PTGFRN: variants seen among roughly 807,000 people sequenced by gnomAD.
The protein encoded by PTGFRN is prostaglandin F2 receptor inhibitor, also known as prostaglandin F2 receptor negative regulator.
A neutral mutation model predicts 83.2 loss-of-function variants in PTGFRN; 35 were observed. The observed-to-expected ratio is 0.42, with a 90% CI of 0.32 to 0.56. The LOEUF is 0.56. Among genes scored for constraint, PTGFRN ranks in the 20% least tolerant of loss-of-function variants. The pLI is 0.11. For missense variants in PTGFRN, 1,051 were observed against 1,179.5 expected, an observed-to-expected ratio of 0.89 and a Z score of 1.60; for synonymous variants, 519 against 498.6, an observed-to-expected ratio of 1.04 and a Z score of -0.55.
intron 1 of PTGFRN, among the ~76,000 whole-genome samples, chr1:116,936,106 G>C (rs1649916383): frequency 6.6e-6 from 1 of 152,040 alleles, no homozygotes; most frequent in Admixed American, 6.5e-5. Context: ...TTTTCCCTCA[G>C]TTATCAACTG....
At chr1:116,955,182 G>A (rs1650452362) in intron 4 of PTGFRN, among the ~76,000 whole-genome samples, 1 of 152,154 alleles carries the variant, frequency 6.6e-6, no homozygotes, top group Non-Finnish European at 1.5e-5. Flanking sequence ...CTCTTTTGGA[G>A]TCTGTGCATA....
intron 7 of PTGFRN, among the ~76,000 whole-genome samples, chr1:116,975,987 C>T (rs756726344): frequency 3.9e-5 from 6 of 152,068 alleles, no homozygotes; most frequent in Non-Finnish European, 7.4e-5. Context: ...AAAGATTAGA[C>T]GAATGGCTAA....
rs923587361 is a variant in PTGFRN at position 116,941,544 on chromosome 1, C to T, written c.50-171C>T. Among the ~76,000 whole-genome samples the T allele has an allele frequency of 6.6e-6, 1 of 152,124 alleles. No individual in the cohort carries two copies. The highest frequency in any genetic ancestry group is 1.5e-5 in the Non-Finnish European group (1 of 68,018). ...GCTCATTTTGAGGTTGCATTCCTGGCTCATTATTTAAGGGTTAGGCTTAAC... is the reference window on the plus strand; with the variant it reads ...GCTCATTTTGAGGTTGCATTCCTGGTTCATTATTTAAGGGTTAGGCTTAAC... On this transcript the variant is annotated intron_variant, in intron 1 of 8. Coordinates refer to ENST00000393203, the MANE Select transcript of PTGFRN (RefSeq NM_020440.4). The surrounding 1 kb of genome is among the most constrained non-coding windows in gnomAD (Gnocchi z 5.0).
In PTGFRN at chr1:116,949,447, T is replaced by C. The variant is rs1288561425; in HGVS notation, c.1088T>C (p.Val363Ala). The C allele has an allele frequency of 6.2e-7, 1 of 1,614,142 alleles. No homozygotes were observed. The highest frequency in any genetic ancestry group is 2.2e-5 in the East Asian group (1 of 44,900). Residue 363 changes from valine (V) to alanine (A), a missense_variant, in exon 4 of 9, where the codon GTT becomes GCT. Transcript: ENST00000393203. ...ARSYHLLVRD[V>A]SKENSGYYYC... Reference sequence around the variant, plus strand: ...TCCTACCATTTACTGGTTCGGGATGTTAGCAAAGAAAACTCTGGCTACTAT... The same window carrying C: ...TCCTACCATTTACTGGTTCGGGATGCTAGCAAAGAAAACTCTGGCTACTAT...
rs1482755244 is a variant in PTGFRN at position 116,961,517 on chromosome 1, C to T, written c.1488C>T (p.Asp496=). ...GDFIFSKEHT[D]TFNFRIQRTT... ...TTATTTTTTCTAAGGAACATACAGA[C>T]ACGTTCAATTTCCGGATCCAAAGGA... The change falls in exon 5 of 9, where the codon GAC becomes GAT. Residue 496 remains aspartate, a synonymous_variant. Transcript: ENST00000393203. This position sits in a 1 kb window ranked among gnomAD's most constrained non-coding sequence, Gnocchi z 5.4. 1 of 1,614,148 alleles carries T rather than the reference C, an allele frequency of 6.2e-7. No homozygotes were observed. The highest frequency in any genetic ancestry group is 8.5e-7 in the Non-Finnish European group (1 of 1,180,026).
At chr1:116,960,355 G>A (rs934495040) in intron 4 of PTGFRN, among the ~76,000 whole-genome samples, 2 of 152,196 alleles carry the variant, frequency 1.3e-5, no homozygotes, top group African/African-American at 2.4e-5. Flanking sequence ...CTCCTTGGCA[G>A]GTATGGAGGA....
intron 4 of PTGFRN, among the ~76,000 whole-genome samples, chr1:116,949,850 T>C (rs1369972334): frequency 1.3e-5 from 2 of 152,240 alleles, no homozygotes; most frequent in Non-Finnish European, 2.9e-5. Context: ...GTCAGGGCAC[T>C]GCTGAATGGC....
At chr1:116,962,861 T>C (rs1406043499) in intron 5 of PTGFRN, among the ~76,000 whole-genome samples, 1 of 152,210 alleles carries the variant, frequency 6.6e-6, no homozygotes, top group African/African-American at 2.4e-5. Flanking sequence ...CACGTCTCTC[T>C]CACTAGGGTG....
intron 1 of PTGFRN, among the ~76,000 whole-genome samples, chr1:116,920,721 T>A (rs1649514544): frequency 6.6e-6 from 1 of 152,164 alleles, no homozygotes; most frequent in Non-Finnish European, 1.5e-5. Context: ...CCTCCCGGGT[T>A]CAAGCAATTC....
chr1:116,953,900 T>A (rs1304884042), intron 4 of PTGFRN, among the ~76,000 whole-genome samples: 1 of 150,638 alleles, frequency 6.6e-6, no homozygotes, highest in African/African-American at 2.4e-5. Flanking sequence ...TCGCCCAGGC[T>A]GGAGTGCAGT....
At chr1:116,985,974 G>T (rs1224671960) in intron 8 of PTGFRN, among the ~76,000 whole-genome samples, 2 of 152,206 alleles carry the variant, frequency 1.3e-5, no homozygotes, top group Non-Finnish European at 2.9e-5. Flanking sequence ...TTAAAGTCCA[G>T]GGGCCTCCGA....
At position 116,977,439 on chromosome 1, in the gene PTGFRN, G is replaced by A. The variant is rs571230539; in HGVS notation, c.2167+3116G>A. On this transcript the variant is annotated intron_variant, in intron 7 of 8. Transcript: ENST00000393203. ...TATACATTCTTCTCAGCAACACATCGCACTTATTCCAAAATTTACTTCCAA... is the reference window on the plus strand; with the variant it reads ...TATACATTCTTCTCAGCAACACATCACACTTATTCCAAAATTTACTTCCAA... Among the ~76,000 whole-genome samples the A allele has an allele frequency of 9.2e-5, 14 of 152,170 alleles. No individual in the cohort carries two copies. In the South Asian group the frequency reaches 1.5e-3, roughly 16 times the overall value.
At chr1:116,912,569 G>A (rs556566639) in intron 1 of PTGFRN, among the ~76,000 whole-genome samples, 8 of 152,030 alleles carry the variant, frequency 5.3e-5, no homozygotes, top group Admixed American at 1.3e-4. Flanking sequence ...CTGTTTCTAC[G>A]GCTACTGTCT....
chr1:116,949,701 C>CTTTG (rs757749860), intron 4 of PTGFRN, 129 bp downstream of exon 4: 7 of 1,323,486 alleles, frequency 5.3e-6, no homozygotes, highest in Non-Finnish European at 7.1e-6. Flanking sequence ...TTCATGCATA[C>CTTTG]TTTGGCCCAG....
chr1:116,957,885 G>GC (rs1650541252), intron 4 of PTGFRN, among the ~76,000 whole-genome samples: 2 of 151,980 alleles, frequency 1.3e-5, no homozygotes, highest in South Asian at 4.2e-4. Context: ...TCTGTGCCTG[G>GC]CTTATTTCAC....
At chr1:116,920,746 C>A (rs1649515169) in intron 1 of PTGFRN, among the ~76,000 whole-genome samples, 1 of 152,122 alleles carries the variant, frequency 6.6e-6, no homozygotes, top group African/African-American at 2.4e-5. Context: ...GCCTCGGCCA[C>A]CCAAGTAGCT....
chr1:116,975,009 T>C (rs1446820322), intron 7 of PTGFRN, among the ~76,000 whole-genome samples: 4 of 152,186 alleles, frequency 2.6e-5, no homozygotes, highest in Non-Finnish European at 5.9e-5. Flanking sequence ...ACCTGGAAAA[T>C]TGGGTCACTC....
At chr1:116,925,576 A>G (rs892284725) in intron 1 of PTGFRN, among the ~76,000 whole-genome samples, 11 of 152,198 alleles carry the variant, frequency 7.2e-5, no homozygotes, top group Non-Finnish European at 2.9e-5. Context: ...TCCTGAGTGT[A>G]AAGAGCCTGT....
rs780164225 is a variant in PTGFRN at position 116,966,897 on chromosome 1, G to C, written c.1640-14G>C. The C allele has an allele frequency of 6.3e-7, 1 of 1,578,652 alleles. No individual in the cohort carries two copies. On this transcript the variant is annotated splice_polypyrimidine_tract_variant and intron_variant, in intron 5 of 8. Transcript: ENST00000393203. ...TCTTGTTGGAAATCACATCCTTCTGGTCATTCATTCCAGATTCCGTGCTTG... is the reference window on the plus strand; with the variant it reads ...TCTTGTTGGAAATCACATCCTTCTGCTCATTCATTCCAGATTCCGTGCTTG...
Sources: allele counts gnomAD v4.1 joint callset (sites outside exome capture counted in the v4.1 genomes callset), GRCh38; gene constraint gnomAD v4.1.1; non-coding constraint Gnocchi (gnomAD v3.1); transcripts MANE v1.5; gene names NCBI Gene and HGNC (gene_info 2026-07-23, HGNC 2026-07-21).